Variants in TMEM132C observed in about 807,000 individuals in gnomAD.
TMEM132C encodes the protein transmembrane protein 132C, also known as protein phosphatase 1, regulatory subunit 152.
In TMEM132C, 29 loss-of-function variants were observed where a neutral mutation model predicts 61.4. The observed-to-expected ratio is 0.47, with a 90% confidence interval of 0.35 to 0.64. TMEM132C has a LOEUF of 0.64. TMEM132C is among the 30% of genes least tolerant of loss of function. The pLI is 0.00. For synonymous variants in TMEM132C, 656 were observed against 633.1 expected (o/e 1.04, Z -0.54); for missense variants, 1,408 against 1,476.9 (o/e 0.95, Z 0.76).
chr12:128,492,812 T>A (rs1027879578), intron 2 of TMEM132C, among the ~76,000 whole-genome samples: 1 of 152,246 alleles, frequency 6.6e-6, no homozygotes, highest in Non-Finnish European at 1.5e-5. Context: ...GCCTGTTCAC[T>A]CTGATGGTAG....
intron 4 of TMEM132C, among the ~76,000 whole-genome samples, chr12:128,652,590 A>G (rs544161062): frequency 6.6e-6 from 1 of 152,270 alleles, no homozygotes; most frequent in South Asian, 2.1e-4. Context: ...CAATGCCTCC[A>G]CGTGCCTATA....
intron 1 of TMEM132C, among the ~76,000 whole-genome samples, chr12:128,374,234 C>G (rs916745839): frequency 1.3e-5 from 2 of 152,148 alleles, no homozygotes; most frequent in Admixed American, 6.5e-5. Context: ...AACAACGGGA[C>G]TGAAACTAGG....
intron 4 of TMEM132C, among the ~76,000 whole-genome samples, chr12:128,641,243 T>C (rs1954155746): frequency 6.6e-6 from 1 of 152,124 alleles, no homozygotes; most frequent in South Asian, 2.1e-4. Context: ...CAGATCCATG[T>C]CCAGCATCTC....
intron 1 of TMEM132C, among the ~76,000 whole-genome samples, chr12:128,324,456 A>G (rs7975746): frequency 0.025 from 3,795 of 152,266 alleles, 158 homozygotes; most frequent in African/African-American, 0.087. Flanking sequence ...TGTGGGTATC[A>G]CATCCGTGTA....
chr12:128,336,652 T>A (rs1872798560), intron 1 of TMEM132C, among the ~76,000 whole-genome samples: 1 of 152,204 alleles, frequency 6.6e-6, no homozygotes. Context: ...TGAGAAACCA[T>A]CTTGGTTAGC....
At position 128,661,718 on chromosome 12, in the gene TMEM132C, T is replaced by A. The variant is rs142680721; in HGVS notation, c.1306-7699T>A. ...GGAATTTAGTCAGTTTTGAGACAAA[T>A]GAATTCAATCAGTATGTAAATATGG... On this transcript the variant is annotated intron_variant, in intron 4 of 8. Coordinates refer to ENST00000435159, the MANE Select transcript of TMEM132C (RefSeq NM_001136103.3). Among the ~76,000 whole-genome samples, 30 of 152,312 alleles carry A rather than the reference T, an allele frequency of 2.0e-4. No individual in the cohort carries two copies. The East Asian group carries it at 5.8e-3, about 29-fold the overall frequency.
intron 2 of TMEM132C, among the ~76,000 whole-genome samples, chr12:128,506,026 G>T (rs143981227): frequency 2.7e-4 from 41 of 152,304 alleles, no homozygotes; most frequent in African/African-American, 8.9e-4. Context: ...GAGCATTTTG[G>T]GTTTTGTTGG....
intron 2 of TMEM132C, among the ~76,000 whole-genome samples, chr12:128,483,871 G>A (rs552457166): frequency 7.9e-5 from 12 of 152,082 alleles, no homozygotes; most frequent in South Asian, 2.1e-4. Context: ...AGATTTAAAC[G>A]ACATTAAAAA....
intron 1 of TMEM132C, among the ~76,000 whole-genome samples, chr12:128,364,361 G>C (rs1038269800): frequency 3.0e-5 from 4 of 133,686 alleles, no homozygotes; most frequent in Admixed American, 8.5e-5. Flanking sequence ...CACACACTTA[G>C]CTAAGCTCGC....
At chr12:128,422,146 A>T (rs1869008858) in intron 2 of TMEM132C, among the ~76,000 whole-genome samples, 1 of 152,164 alleles carries the variant, frequency 6.6e-6, no homozygotes, top group Admixed American at 6.5e-5. Context: ...CAGTTCTGAA[A>T]ATTCCCACTG....
At chr12:128,305,788 G>A (rs1260496307) in intron 1 of TMEM132C, among the ~76,000 whole-genome samples, 7 of 152,228 alleles carry the variant, frequency 4.6e-5, no homozygotes, top group East Asian at 1.9e-4. Flanking sequence ...CTTTATCTGC[G>A]TCTGGATGTT....
At chr12:128,440,127 A>G (rs1431630133) in intron 2 of TMEM132C, among the ~76,000 whole-genome samples, 2 of 152,198 alleles carry the variant, frequency 1.3e-5, no homozygotes, top group Non-Finnish European at 2.9e-5. Context: ...TTGCTCAGTC[A>G]AAGGATATTT....
At chr12:128,501,289 G>A (rs1872169843) in intron 2 of TMEM132C, among the ~76,000 whole-genome samples, 1 of 152,158 alleles carries the variant, frequency 6.6e-6, no homozygotes, top group South Asian at 2.1e-4. Flanking sequence ...CTAGAATGAA[G>A]GCTGGTGGTC....
At chr12:128,545,624 T>C (rs188364956) in intron 3 of TMEM132C, among the ~76,000 whole-genome samples, 1 of 152,242 alleles carries the variant, frequency 6.6e-6, no homozygotes, top group Non-Finnish European at 1.5e-5. Flanking sequence ...GCGTCTGTTA[T>C]TTTTTGACTT....
At chr12:128,490,524 C>G (rs773565551) in intron 2 of TMEM132C, among the ~76,000 whole-genome samples, 23 of 152,192 alleles carry the variant, frequency 1.5e-4, no homozygotes, top group Non-Finnish European at 2.5e-4. Flanking sequence ...TGCTGGAGAC[C>G]TAAGCCAGTG....
intron 2 of TMEM132C, among the ~76,000 whole-genome samples, chr12:128,433,151 G>A: frequency 6.6e-6 from 1 of 152,044 alleles, no homozygotes; most frequent in South Asian, 2.1e-4. Flanking sequence ...ACACTTAATA[G>A]CCTACAGTAA....
Position 128,705,299 on chromosome 12 carries a change from G to C in TMEM132C, c.2331G>C (p.Glu777Asp). ...PLIRVDMTIA[E>D]ACQKSKRKSI... ...TCCGAGTGGACATGACGATCGCCGA[G>C]GCCTGCCAGAAATCTAAACGCAAGA... The change falls in exon 9 of 9, where the codon GAG becomes GAC. Residue 777 changes from glutamate (E) to aspartate (D), a missense_variant. Coordinates refer to ENST00000435159, the MANE Select transcript of TMEM132C (RefSeq NM_001136103.3). 6.4e-7 allele frequency: 1 copy of C among 1,551,370 alleles called. No individual in the cohort carries two copies. Among genetic ancestry groups the C allele is most frequent in the South Asian group, 1.2e-5 (1 of 84,064 alleles).
intron 2 of TMEM132C, among the ~76,000 whole-genome samples, chr12:128,440,854 G>T (rs1869758555): frequency 6.6e-6 from 1 of 152,060 alleles, no homozygotes; most frequent in Non-Finnish European, 1.5e-5. Context: ...TTCAAGACCA[G>T]CCTGGCCAAC....
intron 1 of TMEM132C, among the ~76,000 whole-genome samples, chr12:128,305,965 G>A (rs1339301822): frequency 6.6e-6 from 1 of 152,016 alleles, no homozygotes; most frequent in South Asian, 2.1e-4. Context: ...CCATTTTCAG[G>A]GCTTGAGACT....
Sources: allele counts gnomAD v4.1 joint callset (sites outside exome capture counted in the v4.1 genomes callset), GRCh38; gene constraint gnomAD v4.1.1; transcripts MANE v1.5; gene names NCBI Gene and HGNC (gene_info 2026-07-23, HGNC 2026-07-21).